The following CFAP58 variants were observed in gnomAD, a reference collection of about 807,000 sequenced individuals.
CFAP58 encodes the protein cilia and flagella associated protein 58.
Under a neutral mutation model 119.5 loss-of-function variants are expected in CFAP58, and 88 were observed. That is an observed-to-expected ratio of 0.74 (90% CI 0.62 to 0.88). CFAP58 has a LOEUF of 0.88. Among genes scored for constraint, CFAP58 ranks in the 40% least tolerant of loss-of-function variants. The pLI, the probability that CFAP58 is intolerant of heterozygous loss-of-function variation, is 0.00. For synonymous variants in CFAP58, 365 were observed against 366.3 expected, an observed-to-expected ratio of 1.00 and a Z score of 0.04; for missense variants, 990 against 1,021.2, an observed-to-expected ratio of 0.97 and a Z score of 0.42.
the CFAP58 span, among the ~76,000 whole-genome samples, chr10:104,342,012 C>T: frequency 2.0e-5 from 3 of 152,158 alleles, no homozygotes; most frequent in African/African-American, 7.2e-5. Flanking sequence ...GAATACCAGA[C>T]TGTAATTTTT....
intron 16 of CFAP58, among the ~76,000 whole-genome samples, chr10:104,448,491 A>T (rs768467153): frequency 2.6e-5 from 4 of 152,232 alleles, no homozygotes; most frequent in African/African-American, 9.6e-5. Context: ...CTAAGCAAGT[A>T]CTTAGCTATT....
Position 104,401,159 on chromosome 10 carries a change from C to T in CFAP58, c.2039+256C>T, listed in dbSNP as rs1334384817. On this transcript the variant is annotated intron_variant, in intron 13 of 17. Coordinates refer to ENST00000369704, the MANE Select transcript of CFAP58 (RefSeq NM_001008723.2). ...GAGTGCAAAAAGGTTTTTAAAAAAC[C>T]GCATTCTGCATTTTACAAAAGAATT... Among the ~76,000 whole-genome samples the T allele has an allele frequency of 4.6e-5, 7 of 152,174 alleles. No homozygotes were observed. The South Asian group carries it at 8.3e-4, about 18-fold the overall frequency.
chr10:104,348,613 C>G, the CFAP58 span, among the ~76,000 whole-genome samples: 15 of 152,192 alleles, frequency 9.9e-5, no homozygotes, highest in African/African-American at 3.6e-4. Flanking sequence ...GCCCTCTTGT[C>G]AACTTTAGTG....
At chr10:104,381,214 T>C (rs1259057868) in intron 9 of CFAP58, among the ~76,000 whole-genome samples, 1 of 152,088 alleles carries the variant, frequency 6.6e-6, no homozygotes, top group Non-Finnish European at 1.5e-5. Context: ...ATCCAAACAT[T>C]GGGGAGCTGA....
the CFAP58 span, among the ~76,000 whole-genome samples, chr10:104,343,145 A>G: frequency 1.3e-5 from 2 of 152,198 alleles, no homozygotes; most frequent in Admixed American, 1.3e-4. Context: ...ATGGAATTTC[A>G]CAAGATAATA....
rs915732992 is a variant in CFAP58 at position 104,445,704 on chromosome 10, G to T, written c.2257-1994G>T. Among the ~76,000 whole-genome samples the T allele has an allele frequency of 1.7e-4, 26 of 152,256 alleles. 1 individual carries two copies. Among genetic ancestry groups the T allele is most frequent in the African/African-American group, 6.3e-4 (26 of 41,538 alleles). ...TTTGCACAGGAAAGGTGATTCTTGG[G>T]GTATATCATCACTAGGTTTTTGACT... On this transcript the variant is annotated intron_variant, in intron 15 of 17. Coordinates refer to ENST00000369704, the MANE Select transcript of CFAP58 (RefSeq NM_001008723.2).
the CFAP58 span, among the ~76,000 whole-genome samples, chr10:104,341,052 C>T: frequency 6.6e-6 from 1 of 152,164 alleles, no homozygotes; most frequent in African/African-American, 2.4e-5. Context: ...ATACTACCCA[C>T]GTGCTGAGGG....
In CFAP58 at chr10:104,454,447, A is replaced by ACAAGG. The variant is rs370036525; in HGVS notation, c.2536_2537insCAAGG (p.Asn846ThrfsTer6). 1.8e-4 allele frequency: 284 copies of ACAAGG among 1,613,834 alleles called. No homozygotes were observed. The African/African-American group carries it at 2.8e-3, about 16-fold the overall frequency. On this transcript the variant is annotated frameshift_variant, in exon 18 of 18. Transcript: ENST00000369704. LOFTEE classifies it high-confidence loss of function. The stretch of plus-strand genomic sequence containing the variant: ...AAACAAGGACACAGCACCCATGGAT[A>ACAAGG]ACACCTTCTTAATGGTCAAACCAAA...
At chr10:104,357,796 T>TATACACACATATATATGTAC (rs2014564366) in intron 1 of CFAP58, among the ~76,000 whole-genome samples, 4 of 147,892 alleles carry the variant, frequency 2.7e-5, no homozygotes, top group African/African-American at 1.1e-4. Context: ...TATATACATA[T>TATACACACATATATATGTAC]ATATACACAC....
the CFAP58 span, among the ~76,000 whole-genome samples, chr10:104,338,946 C>T: frequency 1.4e-5 from 2 of 147,718 alleles, no homozygotes; most frequent in Admixed American, 1.3e-4. Flanking sequence ...GCTCTTGTTG[C>T]CCAGGCTGGA....
chr10:104,364,791 T>C lies in CFAP58; in HGVS notation c.499T>C (p.Ser167Pro). ...GACAAAGGAGAGAGACCAGCTCTTATCAGAAGTGGTAAAATTACGAGAATC... is the reference window on the plus strand; with the variant it reads ...GACAAAGGAGAGAGACCAGCTCTTACCAGAAGTGGTAAAATTACGAGAATC... Reference protein sequence around the residue: ...EVTKERDQLLSEVVKLRESLA... With the variant: ...EVTKERDQLLPEVVKLRESLA... The change falls in exon 4 of 18, where the codon TCA becomes CCA. Residue 167 changes from serine to proline, a missense_variant. Transcript: ENST00000369704. 2 of 1,612,644 alleles carry C rather than the reference T, an allele frequency of 1.2e-6. No homozygotes were observed. The highest frequency in any genetic ancestry group is 1.7e-5 in the Admixed American group (1 of 59,744).
At chr10:104,365,419 C>T (rs2014728329) in intron 4 of CFAP58, among the ~76,000 whole-genome samples, 1 of 152,124 alleles carries the variant, frequency 6.6e-6, no homozygotes, top group Admixed American at 6.5e-5. Flanking sequence ...CTCTCTTTAG[C>T]AATATCCAGG....
chr10:104,401,212 A>AT (rs969264010), intron 13 of CFAP58, among the ~76,000 whole-genome samples: 1 of 152,104 alleles, frequency 6.6e-6, no homozygotes, highest in Non-Finnish European at 1.5e-5. Context: ...CAATTCAGAA[A>AT]TTTTTTCCCC....
intron 3 of CFAP58, among the ~76,000 whole-genome samples, chr10:104,364,426 A>AC (rs1564879318): frequency 6.6e-4 from 59 of 88,932 alleles, no homozygotes; most frequent in African/African-American, 2.6e-3. Flanking sequence ...AATGTCTGTA[A>AC]AACACACACA....
At chr10:104,392,878 C>T (rs377403527) in intron 10 of CFAP58, among the ~76,000 whole-genome samples, 6 of 152,046 alleles carry the variant, frequency 3.9e-5, no homozygotes, top group Non-Finnish European at 5.9e-5. Flanking sequence ...TGACCTCAAG[C>T]GATCCACCTG....
intron 9 of CFAP58, among the ~76,000 whole-genome samples, chr10:104,383,659 A>C (rs1003308371): frequency 1.3e-5 from 2 of 152,186 alleles, no homozygotes; most frequent in Non-Finnish European, 2.9e-5. Context: ...GACAGCATGT[A>C]TCAGTTGCTA....
chr10:104,427,524 A>G (rs1176268653), intron 15 of CFAP58, among the ~76,000 whole-genome samples: 1 of 152,142 alleles, frequency 6.6e-6, no homozygotes, highest in African/African-American at 2.4e-5. Flanking sequence ...TTTGTCTGAT[A>G]AGTTATATTT....
chr10:104,416,314 T>A (rs1044290359), intron 15 of CFAP58, among the ~76,000 whole-genome samples: 2 of 152,178 alleles, frequency 1.3e-5, no homozygotes, highest in Non-Finnish European at 2.9e-5. Flanking sequence ...TTTAGGAAAT[T>A]GTCACATGCA....
intron 4 of CFAP58, among the ~76,000 whole-genome samples, 197 bp from the exon 5 acceptor site, chr10:104,365,617 G>A (rs1411709): frequency 3.3e-5 from 5 of 152,042 alleles, no homozygotes; most frequent in African/African-American, 1.2e-4. Context: ...TTGATTTCAA[G>A]GCCCCAAGAA....
Sources: allele counts gnomAD v4.1 joint callset (sites outside exome capture counted in the v4.1 genomes callset), GRCh38; gene constraint gnomAD v4.1.1; transcripts MANE v1.5; gene names NCBI Gene and HGNC (gene_info 2026-07-23, HGNC 2026-07-21).